The following ZMYM2 variants were observed in gnomAD, a reference collection of about 807,000 sequenced individuals.
ZMYM2 encodes zinc finger MYM-type containing 2, also known as zinc finger MYM-type protein 2.
A neutral mutation model predicts 162.8 loss-of-function variants in ZMYM2; 56 were observed. The observed-to-expected ratio is 0.34, with a 90% CI of 0.28 to 0.43. The LOEUF is 0.43. Ranked by LOEUF, ZMYM2 falls within the 20% of genes least tolerant of loss-of-function variation. The pLI is 1.00. For synonymous variants in ZMYM2, 510 were observed against 541.6 expected (o/e 0.94, Z 0.81); for missense variants, 1,275 against 1,621.8 (o/e 0.79, Z 3.67).
rs758682780 is a variant in ZMYM2, at chr13:19,993,621, G to A, written c.549G>A (p.Gln183=). The change falls in exon 3 of 25, where the codon CAG becomes CAA. Residue 183 remains glutamine, a synonymous_variant. Coordinates refer to ENST00000610343, the MANE Select transcript of ZMYM2 (RefSeq NM_197968.4). ...CCACAGAACCAGACTCTGAAATTCA[G>A]ATTGCTAATGTTACAACTTTAGAAA... is the stretch of plus-strand genomic sequence containing the variant. The part of the protein sequence containing the change: ...GITTEPDSEI[Q]IANVTTLETG... 4 of 1,614,168 alleles carry A rather than the reference G, an allele frequency of 2.5e-6. No individual in the cohort carries two copies. The highest frequency in any genetic ancestry group is 3.4e-6 in the Non-Finnish European group (4 of 1,180,006).
chr13:20,005,289 T>C, intron 5 of ZMYM2, 50 bp downstream of exon 5: 1 of 1,344,780 alleles, frequency 7.4e-7, no homozygotes, highest in Non-Finnish European at 1.0e-6. Flanking sequence ...AGGAATATTT[T>C]AAACTTCATT....
intron 12 of ZMYM2, among the ~76,000 whole-genome samples, chr13:20,047,355 CT>C (rs1322889260): frequency 1.3e-5 from 2 of 152,160 alleles, no homozygotes; most frequent in Non-Finnish European, 2.9e-5. Context: ...GGGTCCCCCC[CT>C]TTTATGGTTT....
intron 8 of ZMYM2, 54 bp from the exon 9 acceptor site, chr13:20,027,145 TAAAA>T: frequency 7.8e-7 from 1 of 1,280,470 alleles, no homozygotes; most frequent in African/African-American, 1.5e-5. Context: ...GTAGTTAAGA[TAAAA>T]AAACTTTTTT....
the ZMYM2 span, among the ~76,000 whole-genome samples, chr13:19,912,241 C>T: frequency 6.8e-6 from 1 of 146,926 alleles, no homozygotes; most frequent in Non-Finnish European, 1.5e-5. Flanking sequence ...ATCAGAGATA[C>T]ATCAACCCTC....
intron 21 of ZMYM2, among the ~76,000 whole-genome samples, chr13:20,078,647 A>G (rs1161134511): frequency 2.0e-5 from 3 of 152,190 alleles, no homozygotes. Flanking sequence ...CCTACAAAGC[A>G]TTTTTTATCC....
At chr13:19,918,072 A>G in the ZMYM2 span, among the ~76,000 whole-genome samples, 6 of 152,176 alleles carry the variant, frequency 3.9e-5, no homozygotes, top group South Asian at 1.2e-3. Flanking sequence ...ACAAAAGAAA[A>G]AGAAAAAGAA....
At chr13:19,928,133 G>A in the ZMYM2 span, among the ~76,000 whole-genome samples, 1 of 152,112 alleles carries the variant, frequency 6.6e-6, no homozygotes, top group Non-Finnish European at 1.5e-5. Flanking sequence ...AGCTTCTCGT[G>A]TAGCTGGGAC....
intron 2 of ZMYM2, among the ~76,000 whole-genome samples, chr13:19,983,774 G>A (rs186126841): frequency 3.9e-5 from 6 of 151,910 alleles, no homozygotes; most frequent in African/African-American, 7.2e-5. Flanking sequence ...GACCACAGGC[G>A]TGCATCACTA....
At chr13:20,077,255 T>G (rs1055936221) in intron 21 of ZMYM2, among the ~76,000 whole-genome samples, 5 of 150,602 alleles carry the variant, frequency 3.3e-5, no homozygotes, top group Non-Finnish European at 7.3e-5. Context: ...ACTGACTGTT[T>G]ACTGCTTTCC....
chr13:19,989,490 G>A (rs1949435494), intron 2 of ZMYM2, among the ~76,000 whole-genome samples: 2 of 152,038 alleles, frequency 1.3e-5, no homozygotes, highest in Admixed American at 6.6e-5. Flanking sequence ...TTTTAGTAGA[G>A]ATGGGGTTTC....
In ZMYM2 at chr13:20,085,958, C is replaced by G; in HGVS notation, c.4078C>G (p.Leu1360Val). ...GGAAAATATGCTTGTACGGGTTCTT[C>G]TAGTAAAAGATATTTATGATAAAGA... ...TLENMLVRVLLVKDIYDKDNY... is the reference protein window; with the variant it reads ...TLENMLVRVLVVKDIYDKDNY... The change falls in exon 25 of 25, where the codon CTA (leucine) becomes GTA (valine). Residue 1360 changes from leucine to valine, a missense_variant. Coordinates refer to ENST00000610343, the MANE Select transcript of ZMYM2 (RefSeq NM_197968.4). The G allele has an allele frequency of 5.0e-6, 8 of 1,613,622 alleles. No homozygotes were observed. Among genetic ancestry groups the G allele is most frequent in the Non-Finnish European group, 6.8e-6 (8 of 1,179,718 alleles).
intron 2 of ZMYM2, among the ~76,000 whole-genome samples, chr13:19,967,011 T>G (rs1955848904): frequency 6.6e-6 from 1 of 152,202 alleles, no homozygotes; most frequent in South Asian, 2.1e-4. Flanking sequence ...TAGTCTCTCT[T>G]CCATGACACA....
At chr13:19,883,742 T>C in the ZMYM2 span, among the ~76,000 whole-genome samples, 1 of 152,196 alleles carries the variant, frequency 6.6e-6, no homozygotes, top group Non-Finnish European at 1.5e-5. Context: ...GTTTGTAATA[T>C]TCTCATGGTA....
intron 2 of ZMYM2, among the ~76,000 whole-genome samples, chr13:19,982,265 G>A (rs531448989): frequency 7.2e-6 from 1 of 139,368 alleles, no homozygotes; most frequent in African/African-American, 2.6e-5. Flanking sequence ...TTTTCACTGA[G>A]TTGTCTATTA....
chr13:19,991,805 T>C (rs1272594765), intron 2 of ZMYM2, among the ~76,000 whole-genome samples: 1 of 151,602 alleles, frequency 6.6e-6, no homozygotes, highest in Admixed American at 6.6e-5. Flanking sequence ...AATTTTTGTA[T>C]TTTTTGTAGA....
At position 20,086,336 on chromosome 13, in the gene ZMYM2, C is replaced by T; in HGVS notation, c.*322C>T. ...TTTTTTTCTTGTAGTAAGAAACATC[C>T]ATATTGCACAACTCTACTGTTGCAA... On this transcript the variant is annotated 3_prime_UTR_variant, in exon 25 of 25. Transcript: ENST00000610343. 4.0e-6 allele frequency: 1 copy of T among 248,934 alleles called. No homozygotes were observed. The highest frequency in any genetic ancestry group is 6.0e-5 in the East Asian group (1 of 16,798). 15.4% of individuals were successfully genotyped at this position (248,934 alleles called of 1,614,324 possible).
intron 2 of ZMYM2, among the ~76,000 whole-genome samples, chr13:19,983,914 C>G (rs2139555745): frequency 6.6e-6 from 1 of 152,312 alleles, no homozygotes; most frequent in African/African-American, 2.4e-5. Flanking sequence ...AGGCGTGAGC[C>G]ACTGTGCCTG....
chr13:19,903,090 AG>A, the ZMYM2 span, among the ~76,000 whole-genome samples: 3 of 152,114 alleles, frequency 2.0e-5, no homozygotes, highest in African/African-American at 7.2e-5. Context: ...CAGGAGGTGG[AG>A]GTTGCAGTGA....
intron 2 of ZMYM2, among the ~76,000 whole-genome samples, chr13:19,974,431 C>A (rs1956603055): frequency 6.6e-6 from 1 of 150,914 alleles, no homozygotes; most frequent in South Asian, 2.1e-4. Flanking sequence ...TGTGTTGAGA[C>A]ATTTGGATTG....
Sources: allele counts gnomAD v4.1 joint callset (sites outside exome capture counted in the v4.1 genomes callset), GRCh38; gene constraint gnomAD v4.1.1; transcripts MANE v1.5; gene names NCBI Gene and HGNC (gene_info 2026-07-23, HGNC 2026-07-21).